The following PAGE2B variants were observed in gnomAD, a reference collection of about 807,000 sequenced individuals.
PAGE2B encodes the protein putative G antigen family E member 3.
Under a neutral mutation model 7.6 loss-of-function variants are expected in PAGE2B, and 5 were observed. The observed-to-expected ratio is 0.66, with a 90% CI of 0.34 to 1.38. The LOEUF (loss-of-function observed/expected upper bound fraction) is 1.38. PAGE2B is among the 40% of genes most tolerant of loss of function. The pLI is 0.04. For missense variants in PAGE2B, 70 were observed against 78.4 expected (o/e 0.89, Z 0.41); for synonymous variants, 29 against 26.7 (o/e 1.09, Z -0.27).
the PAGE2B span, among the ~76,000 whole-genome samples, chrX:55,050,791 G>A: frequency 1.8e-5 from 2 of 111,412 alleles, no homozygotes; most frequent in Admixed American, 9.5e-5. Context: ...TTTAATTGGA[G>A]CATTTAGCCC....
chrX:55,047,909 G>C, the PAGE2B span, among the ~76,000 whole-genome samples: 152 of 111,844 alleles, frequency 1.4e-3, no homozygotes, highest in Middle Eastern at 9.3e-3. Context: ...GTCCTGAATG[G>C]TATTGCCTAG....
the PAGE2B span, among the ~76,000 whole-genome samples, chrX:55,039,484 C>CT: frequency 0.31 from 29,425 of 95,581 alleles, 4,213 homozygotes; most frequent in Non-Finnish European, 0.43. Context: ...GAAGAAAATT[C>CT]TTTTTTTTTT....
At chrX:55,031,981 A>G in the PAGE2B span, among the ~76,000 whole-genome samples, 3 of 111,793 alleles carry the variant, frequency 2.7e-5, no homozygotes, top group South Asian at 7.5e-4. Flanking sequence ...CCATATGCCA[A>G]TATACCATGG....
chrX:55,062,273 T>A, the PAGE2B span, among the ~76,000 whole-genome samples: 1 of 111,670 alleles, frequency 9.0e-6, no homozygotes, highest in Non-Finnish European at 1.9e-5. Context: ...ATTGCCTGAC[T>A]TTCAGGTAAA....
chrX:55,041,744 A>T, the PAGE2B span, among the ~76,000 whole-genome samples: 1 of 111,352 alleles, frequency 9.0e-6, no homozygotes, highest in Non-Finnish European at 1.9e-5. Context: ...GTAGGCTGGG[A>T]GCGGCTGCCG....
At chrX:55,074,633 A>G (rs1936482962), upstream of PAGE2B, among the ~76,000 whole-genome samples, 1 of 112,538 alleles carries the variant, frequency 8.9e-6, no homozygotes, top group South Asian at 3.7e-4. Context: ...GGAATGGGTT[A>G]GACAATTGCA....
At chrX:55,032,641 G>A in the PAGE2B span, among the ~76,000 whole-genome samples, 93 of 111,461 alleles carry the variant, frequency 8.3e-4, 2 homozygotes, top group South Asian at 0.035. Flanking sequence ...TTATTGTGAG[G>A]ATGAGATGAG....
the PAGE2B span, among the ~76,000 whole-genome samples, chrX:55,047,518 G>C: frequency 3.6e-5 from 4 of 111,760 alleles, no homozygotes; most frequent in Non-Finnish European, 7.5e-5. Flanking sequence ...GGTTGAACTA[G>C]TTTCCAGTCC....
the PAGE2B span, among the ~76,000 whole-genome samples, chrX:55,034,039 T>A: frequency 3.6e-5 from 4 of 111,940 alleles, no homozygotes; most frequent in African/African-American, 1.3e-4. Context: ...CTGTAAAAGG[T>A]TGTCCCAGTT....
At chrX:55,052,954 G>C in the PAGE2B span, among the ~76,000 whole-genome samples, 1 of 112,757 alleles carries the variant, frequency 8.9e-6, no homozygotes, top group Non-Finnish European at 1.9e-5. Context: ...GTTTTCTTCT[G>C]AGATGTTTTT....
At chrX:55,076,396 A>G (rs1936517017) in intron 2 of PAGE2B, among the ~76,000 whole-genome samples, 173 bp from the exon 3 acceptor site, 1 of 104,297 alleles carries the variant, frequency 9.6e-6, no homozygotes, top group Non-Finnish European at 1.9e-5. Context: ...GTATATATGT[A>G]TGTGTATATA....
At chrX:55,050,499 G>A in the PAGE2B span, among the ~76,000 whole-genome samples, 3 of 109,720 alleles carry the variant, frequency 2.7e-5, no homozygotes, top group Admixed American at 2.9e-4. Context: ...CTCCTGTATT[G>A]GGTGCATGTA....
chrX:55,036,054 T>C, the PAGE2B span, among the ~76,000 whole-genome samples: 1 of 111,994 alleles, frequency 8.9e-6, no homozygotes, highest in Admixed American at 9.5e-5. Flanking sequence ...TTTATTCTCT[T>C]TGAAGCAATT....
At chrX:55,059,567 T>C in the PAGE2B span, among the ~76,000 whole-genome samples, 1 of 111,936 alleles carries the variant, frequency 8.9e-6, no homozygotes, top group East Asian at 2.8e-4. Context: ...TGTGGAATGA[T>C]TAAATCAAGC....
chrX:55,048,702 T>G, the PAGE2B span, among the ~76,000 whole-genome samples: 3 of 111,874 alleles, frequency 2.7e-5, no homozygotes, highest in Non-Finnish European at 5.6e-5. Context: ...AAGGAGATTT[T>G]GGGCTGAGAT....
chrX:55,037,730 G>A, the PAGE2B span, among the ~76,000 whole-genome samples: 3 of 110,094 alleles, frequency 2.7e-5, no homozygotes, highest in Non-Finnish European at 5.7e-5. Context: ...CCATAAAAAA[G>A]GATGAGTTCA....
chrX:55,072,414 C>T, upstream of PAGE2B, among the ~76,000 whole-genome samples: 1 of 112,742 alleles, frequency 8.9e-6, no homozygotes, highest in Non-Finnish European at 1.9e-5. Flanking sequence ...CTTCCTGCTT[C>T]TTCCTCTGGA....
the PAGE2B span, among the ~76,000 whole-genome samples, chrX:55,048,974 A>C: frequency 5.0e-4 from 56 of 111,209 alleles, no homozygotes; most frequent in Admixed American, 1.8e-3. Context: ...TTTTGAGATA[A>C]GTCCCATCAA....
chrX:55,053,071 T>C, the PAGE2B span, among the ~76,000 whole-genome samples: 3 of 112,756 alleles, frequency 2.7e-5, no homozygotes, highest in Admixed American at 2.8e-4. Flanking sequence ...TTTACATATG[T>C]TTATGTTCTT....
Sources: gnomAD v4.1 joint callset for allele counts (sites outside exome capture counted in the v4.1 genomes callset) on GRCh38, gnomAD v4.1.1 for gene constraint, MANE v1.5 for transcripts, NCBI Gene and HGNC (gene_info 2026-07-23, HGNC 2026-07-21) for gene names.